The following SHANK2 variants were observed in gnomAD, a reference collection of about 807,000 sequenced individuals.
The protein encoded by SHANK2 is SH3 and multiple ankyrin repeat domains protein 2.
SHANK2 carries 43 observed loss-of-function variants against 133.7 expected under a neutral mutation model. That is an observed-to-expected ratio of 0.32 (90% CI 0.25 to 0.41). The LOEUF (loss-of-function observed/expected upper bound fraction) is 0.41. SHANK2 is among the 10% of genes least tolerant of loss of function. The pLI is 1.00. For missense variants in SHANK2, 1,994 were observed against 2,235.8 expected (o/e 0.89, Z 2.18); for synonymous variants, 1,017 against 952.8 (o/e 1.07, Z -1.24).
intron 12 of SHANK2, among the ~76,000 whole-genome samples, chr11:70,816,998 C>T (rs1948412727): frequency 6.6e-6 from 1 of 152,252 alleles, no homozygotes; most frequent in African/African-American, 2.4e-5. Flanking sequence ...AGTGAACTGG[C>T]TCCCTTCTGT....
At chr11:71,204,965 A>G (rs1555117771) in intron 2 of SHANK2, among the ~76,000 whole-genome samples, 3 of 152,064 alleles carry the variant, frequency 2.0e-5, no homozygotes, top group African/African-American at 7.2e-5. Context: ...GGGTGATGTC[A>G]GCCTTGGGTG....
At chr11:71,229,829 C>T (rs1468768024) in intron 1 of SHANK2, among the ~76,000 whole-genome samples, 1 of 150,668 alleles carries the variant, frequency 6.6e-6, no homozygotes, top group Non-Finnish European at 1.5e-5. Flanking sequence ...AATACATATT[C>T]AGGAACTGTA....
intron 2 of SHANK2, among the ~76,000 whole-genome samples, chr11:71,192,962 A>T (rs985119104): frequency 6.6e-6 from 1 of 152,226 alleles, no homozygotes; most frequent in Admixed American, 6.5e-5. Flanking sequence ...CAAACATCCA[A>T]TTCAAACAAG....
intron 15 of SHANK2, among the ~76,000 whole-genome samples, chr11:70,686,232 A>AT (rs1945148257): frequency 2.6e-5 from 2 of 77,092 alleles, no homozygotes; most frequent in Admixed American, 1.4e-4. Flanking sequence ...CCATCCATCC[A>AT]CCCACCCACC....
rs555081976 is a variant in SHANK2, at chr11:70,579,987, G to C, written c.2062-77056C>G. Among the ~76,000 whole-genome samples, 7 of 152,292 alleles carry C rather than the reference G, an allele frequency of 4.6e-5. No homozygotes were observed. The South Asian group carries it at 1.5e-3, about 32-fold the overall frequency. On this transcript the variant is annotated intron_variant, in intron 17 of 25. Coordinates refer to ENST00000601538, the MANE Select transcript of SHANK2 (RefSeq NM_012309.5). The stretch of plus-strand genomic sequence containing the variant: ...CTCCTGGAGCCTCCAGCAGAAACCA[G>C]CCCTGACCACACCTTGACTTTAGGC...
chr11:70,689,990 A>AGGTTAC lies in SHANK2; in HGVS notation c.1853+8697_1853+8698insGTAACC, dbSNP rs557424653. On this transcript the variant is annotated intron_variant, in intron 15 of 25. Transcript: ENST00000601538. The stretch of plus-strand genomic sequence containing the variant: ...CCTGGAGAACATTTGATAACTAGGG[A>AGGTTAC]ATTTCCAGACAGGGAGGTTACATTC... Among the ~76,000 whole-genome samples, 540 of 152,306 alleles carry AGGTTAC rather than the reference A, an allele frequency of 3.5e-3. 2 individuals carry two copies. Among genetic ancestry groups the AGGTTAC allele is most frequent in the African/African-American group, 0.012 (513 of 41,576 alleles).
chr11:70,879,483 T>C (rs1949623122), intron 11 of SHANK2, among the ~76,000 whole-genome samples: 2 of 152,210 alleles, frequency 1.3e-5, no homozygotes, highest in Non-Finnish European at 2.9e-5. Flanking sequence ...TTATCTGTGG[T>C]GGCTTCTGAG....
chr11:70,837,975 CAAAAAAAAA>C (rs55862093), intron 11 of SHANK2, among the ~76,000 whole-genome samples: 24 of 25,178 alleles, frequency 9.5e-4, no homozygotes, highest in African/African-American at 3.0e-3. Flanking sequence ...CATTCTGTCT[CAAAAAAAAA>C]AAAAAAAAAA....
At chr11:71,065,059 G>A (rs942106165) in intron 9 of SHANK2, among the ~76,000 whole-genome samples, 1,992 of 152,264 alleles carry the variant, frequency 0.013, 37 homozygotes, top group African/African-American at 0.043. Context: ...AGATGCCACA[G>A]AAACGTTGAG....
In SHANK2 at chr11:71,175,159, G is replaced by A. The variant is rs1171286976; in HGVS notation, c.-12-27821C>T. 1.3e-5 allele frequency among the ~76,000 whole-genome samples: 2 copies of A among 152,204 alleles called. No individual in the cohort carries two copies. The highest frequency in any genetic ancestry group is 1.5e-5 in the Non-Finnish European group (1 of 68,042). ...TTATCTATTTTGTGTGTCGCTCCCAGGAGGGCAAGAGACAAAACCCATCGT... is the reference window on the plus strand; with the variant it reads ...TTATCTATTTTGTGTGTCGCTCCCAAGAGGGCAAGAGACAAAACCCATCGT... On this transcript the variant is annotated intron_variant, in intron 2 of 25. Coordinates refer to ENST00000601538, the MANE Select transcript of SHANK2 (RefSeq NM_012309.5). This position sits in a 1 kb window ranked among gnomAD's most constrained non-coding sequence, Gnocchi z 4.2.
In SHANK2 at chr11:71,223,752, C is replaced by T. The variant is rs998933579; in HGVS notation, c.-13+945G>A. ...TCTGACGCAGCTTCTTGGGCAGGCCCGTGCAGCTGAGAGGCCCTTCCCTGC... is the reference window on the plus strand; with the variant it reads ...TCTGACGCAGCTTCTTGGGCAGGCCTGTGCAGCTGAGAGGCCCTTCCCTGC... On this transcript the variant is annotated intron_variant, in intron 2 of 25. Transcript: ENST00000601538. Among the ~76,000 whole-genome samples, 9 of 152,212 alleles carry T rather than the reference C, an allele frequency of 5.9e-5. No homozygotes were observed. In the South Asian group the frequency reaches 6.2e-4, roughly 11 times the overall value.
Position 70,871,654 on chromosome 11 carries a change from G to A in SHANK2, c.1174+24847C>T, listed in dbSNP as rs75179171. On this transcript the variant is annotated intron_variant, in intron 11 of 25. Coordinates refer to ENST00000601538, the MANE Select transcript of SHANK2 (RefSeq NM_012309.5). ...TAAATATGACCATATCCCTGATGGA[G>A]AAGAAAGTCAAGAAAGAGTTCATGT... Among the ~76,000 whole-genome samples the A allele has an allele frequency of 3.2e-3, 493 of 152,328 alleles. 2 individuals are homozygous for A. Among genetic ancestry groups the A allele is most frequent in the Middle Eastern group, 6.8e-3 (2 of 294 alleles).
chr11:70,826,138 A>G (rs1317541984), intron 11 of SHANK2, among the ~76,000 whole-genome samples: 5 of 152,212 alleles, frequency 3.3e-5, no homozygotes, highest in African/African-American at 1.2e-4. Context: ...ACTGAGGACT[A>G]TAGTCAAAAC....
intron 14 of SHANK2, among the ~76,000 whole-genome samples, chr11:70,703,687 T>C (rs1416570880): frequency 6.6e-6 from 1 of 152,188 alleles, no homozygotes; most frequent in Non-Finnish European, 1.5e-5. Flanking sequence ...AGCCTCCCTG[T>C]GCACCAGTGA....
chr11:70,751,533 G>A (rs1946748665), intron 14 of SHANK2, among the ~76,000 whole-genome samples: 1 of 152,162 alleles, frequency 6.6e-6, no homozygotes, highest in Non-Finnish European at 1.5e-5. Flanking sequence ...TGCTTGGAAT[G>A]GAATGGATAT....
Position 70,485,773 on chromosome 11 carries a change from G to T in SHANK2, c.4520C>A (p.Thr1507Asn). ...GCTAGACACGGTGGAGATAGTGCTG[G>T]TCGTCTCGAGGTGGTGGTCGCTGCT... ...RSSSDHHLET[T>N]STISTVSSIS... is the part of the protein sequence containing the mutation. Residue 1507 changes from threonine (T) to asparagine (N), a missense_variant, in exon 25 of 26, where the codon ACC becomes AAC. By Grantham distance (65) the Thr-to-Asn change is moderately conservative. This residue lies in a region of SHANK2 where 797 missense variants were observed against 907.4 expected (regional missense o/e 0.88). Transcript: ENST00000601538. The surrounding 1 kb of genome is among the most constrained non-coding windows in gnomAD (Gnocchi z 5.8). 6.2e-7 allele frequency: 1 copy of T among 1,613,994 alleles called. No homozygotes were observed. The highest frequency in any genetic ancestry group is 8.5e-7 in the Non-Finnish European group (1 of 1,180,022).
At position 70,847,620 on chromosome 11, in the gene SHANK2, G is replaced by A. The variant is rs186069271; in HGVS notation, c.1175-26938C>T. 4.3e-4 allele frequency among the ~76,000 whole-genome samples: 65 copies of A among 152,326 alleles called. 1 individual carries two copies. The East Asian group carries it at 6.0e-3, about 14-fold the overall frequency. On this transcript the variant is annotated intron_variant, in intron 11 of 25. Coordinates refer to ENST00000601538, the MANE Select transcript of SHANK2 (RefSeq NM_012309.5). Reference sequence around the variant, plus strand: ...CGAGCATCTCTCTGCGCTCAGCAGCGACGCCATCCAGGGTCTCATCTCTGC... The same window carrying A: ...CGAGCATCTCTCTGCGCTCAGCAGCAACGCCATCCAGGGTCTCATCTCTGC...
chr11:70,484,072 C>G (rs2058770284), intron 25 of SHANK2, among the ~76,000 whole-genome samples: 1 of 152,194 alleles, frequency 6.6e-6, no homozygotes, highest in Non-Finnish European at 1.5e-5. Flanking sequence ...GATCAAATAT[C>G]AGTGGGAGAG....
At chr11:70,815,554 A>G (rs1948375493) in intron 12 of SHANK2, among the ~76,000 whole-genome samples, 1 of 152,112 alleles carries the variant, frequency 6.6e-6, no homozygotes, top group Non-Finnish European at 1.5e-5. Flanking sequence ...CTGCAACACC[A>G]GCTCCCAGGC....
Sources: allele counts gnomAD v4.1 joint callset (sites outside exome capture counted in the v4.1 genomes callset), GRCh38; gene constraint gnomAD v4.1.1; regional missense constraint gnomAD v4.1.1; non-coding constraint Gnocchi (gnomAD v3.1); transcripts MANE v1.5; gene names NCBI Gene and HGNC (gene_info 2026-07-23, HGNC 2026-07-21).